Variants in STX8 observed in about 807,000 individuals in gnomAD.
The protein encoded by STX8 is syntaxin 8.
Under a neutral mutation model 37.5 loss-of-function variants are expected in STX8, and 23 were observed. The observed-to-expected ratio is 0.61, with a 90% CI of 0.44 to 0.87. The LOEUF (loss-of-function observed/expected upper bound fraction) is 0.87, where lower values mean the gene tolerates loss of function less well. STX8 is among the 40% of genes least tolerant of loss of function. STX8 has a pLI of 0.00. For synonymous variants in STX8, 115 were observed against 99.1 expected (o/e 1.16, Z -0.95); for missense variants, 313 against 284.7 (o/e 1.10, Z -0.71).
chr17:9,265,123 G>GAA (rs61526336), intron 7 of STX8, among the ~76,000 whole-genome samples: 12 of 72,544 alleles, frequency 1.7e-4, no homozygotes, highest in South Asian at 5.3e-4. Context: ...AGTCTGAAAA[G>GAA]AAAAAAAAAA....
intron 7 of STX8, among the ~76,000 whole-genome samples, chr17:9,365,904 T>C (rs942956277): frequency 1.3e-5 from 2 of 151,954 alleles, no homozygotes; most frequent in African/African-American, 4.8e-5. Context: ...ACCCAGGAGA[T>C]GGAGGTTGCA....
At chr17:9,440,715 G>A (rs1222641818) in intron 6 of STX8, among the ~76,000 whole-genome samples, 1 of 152,074 alleles carries the variant, frequency 6.6e-6, no homozygotes, top group Non-Finnish European at 1.5e-5. Flanking sequence ...AGTAGAGACA[G>A]GGTTTTGCCA....
intron 6 of STX8, among the ~76,000 whole-genome samples, chr17:9,381,937 C>A (rs139777427): frequency 5.2e-4 from 79 of 152,226 alleles, no homozygotes; most frequent in African/African-American, 1.9e-3. Flanking sequence ...TCACTGTACT[C>A]CAGCCTGGGT....
chr17:9,463,100 C>T (rs1162853902), intron 6 of STX8, among the ~76,000 whole-genome samples: 1 of 152,172 alleles, frequency 6.6e-6, no homozygotes, highest in African/African-American at 2.4e-5. Flanking sequence ...TAAAAGAATC[C>T]TCATCCCAGA....
chr17:9,413,859 T>G (rs971406465), intron 6 of STX8, among the ~76,000 whole-genome samples: 20 of 140,708 alleles, frequency 1.4e-4, no homozygotes, highest in Admixed American at 5.2e-4. Flanking sequence ...TGTACGTATG[T>G]AAGTATGTAT....
At chr17:9,289,351 G>A (rs1334213450) in intron 7 of STX8, among the ~76,000 whole-genome samples, 2 of 152,114 alleles carry the variant, frequency 1.3e-5, no homozygotes, top group Non-Finnish European at 2.9e-5. Flanking sequence ...AAGAGTTGAT[G>A]GAAAGTCTCA....
At chr17:9,254,433 G>A (rs113487635) in intron 7 of STX8, among the ~76,000 whole-genome samples, 10 of 150,898 alleles carry the variant, frequency 6.6e-5, no homozygotes, top group Admixed American at 2.6e-4. Context: ...ATGGAGTCTC[G>A]CGCCCAGGCT....
chr17:9,500,741 G>A (rs1472180598), intron 5 of STX8, among the ~76,000 whole-genome samples: 3 of 152,204 alleles, frequency 2.0e-5, no homozygotes, highest in South Asian at 2.1e-4. Context: ...GCTGGCTCAC[G>A]CCTGTAATAC....
chr17:9,330,520 C>G (rs1909926315), intron 7 of STX8, among the ~76,000 whole-genome samples: 1 of 152,310 alleles, frequency 6.6e-6, no homozygotes, highest in Admixed American at 6.5e-5. Context: ...CTCTGGGGAA[C>G]AAGATACACA....
At position 9,551,713 on chromosome 17, in the gene STX8, T is replaced by A. The variant is rs554001486; in HGVS notation, c.212+5721A>T. Among the ~76,000 whole-genome samples, 8 of 152,316 alleles carry A rather than the reference T, an allele frequency of 5.3e-5. No homozygotes were observed. In the East Asian group the frequency reaches 1.5e-3, roughly 29 times the overall value. On this transcript the variant is annotated intron_variant, in intron 3 of 7. Transcript: ENST00000306357. The stretch of plus-strand genomic sequence containing the variant: ...TAACCTGGCAAAGTATGATTATTCC[T>A]ACATTACAGATAATGAAACTAAGGT...
intron 6 of STX8, among the ~76,000 whole-genome samples, chr17:9,412,826 T>G (rs1913028955): frequency 6.6e-6 from 1 of 152,280 alleles, no homozygotes; most frequent in South Asian, 2.1e-4. Context: ...TTTAGAGTTC[T>G]GATAGAAGAT....
chr17:9,514,765 C>T (rs768372894), intron 4 of STX8, among the ~76,000 whole-genome samples: 1 of 152,108 alleles, frequency 6.6e-6, no homozygotes, highest in Non-Finnish European at 1.5e-5. Context: ...ATTCTTCTAG[C>T]CTTGTTCACA....
chr17:9,506,664 C>A (rs929679870), intron 4 of STX8, among the ~76,000 whole-genome samples: 3 of 152,068 alleles, frequency 2.0e-5, no homozygotes, highest in Non-Finnish European at 4.4e-5. Flanking sequence ...TCCCACCTGC[C>A]CCCACTGCCA....
intron 7 of STX8, among the ~76,000 whole-genome samples, chr17:9,291,610 G>A (rs1477029513): frequency 1.3e-5 from 2 of 152,008 alleles, no homozygotes; most frequent in Admixed American, 1.3e-4. Flanking sequence ...TTTTATTTAC[G>A]TTCTCTTCTA....
intron 4 of STX8, among the ~76,000 whole-genome samples, chr17:9,520,119 C>G (rs1273616586): frequency 2.6e-5 from 4 of 152,180 alleles, no homozygotes; most frequent in Non-Finnish European, 5.9e-5. Context: ...AGAGCATAAG[C>G]ATTCAGTAAA....
At chr17:9,363,711 A>T (rs1170993331) in intron 7 of STX8, among the ~76,000 whole-genome samples, 2 of 152,224 alleles carry the variant, frequency 1.3e-5, no homozygotes, top group African/African-American at 2.4e-5. Context: ...CTTAGAAATC[A>T]TACCTTATCT....
intron 6 of STX8, among the ~76,000 whole-genome samples, chr17:9,425,865 C>T (rs529447583): frequency 3.3e-5 from 5 of 152,266 alleles, no homozygotes; most frequent in Admixed American, 1.3e-4. Context: ...GCTCAGTACA[C>T]ACATCTAAAG....
intron 7 of STX8, among the ~76,000 whole-genome samples, chr17:9,343,303 A>C (rs946378783): frequency 1.3e-5 from 2 of 152,180 alleles, no homozygotes. Context: ...GTTTACCCAG[A>C]GACAGTAAAA....
In STX8 at chr17:9,445,297, T is replaced by C. The variant is rs1475112655; in HGVS notation, c.541+46532A>G. Among the ~76,000 whole-genome samples, 4 of 151,690 alleles carry C rather than the reference T, an allele frequency of 2.6e-5. No homozygotes were observed. In the East Asian group the frequency reaches 7.8e-4, roughly 29 times the overall value. On this transcript the variant is annotated intron_variant, in intron 6 of 7. Coordinates refer to ENST00000306357, the MANE Select transcript of STX8 (RefSeq NM_004853.3). Reference sequence around the variant, plus strand: ...AAGAGAACGACCAAGGAACATTTCTTTTTTCCTTTTCCCACTGCGAGTGAG... The same window carrying C: ...AAGAGAACGACCAAGGAACATTTCTCTTTTCCTTTTCCCACTGCGAGTGAG...
Sources: gnomAD v4.1 joint callset for allele counts (sites outside exome capture counted in the v4.1 genomes callset) on GRCh38, gnomAD v4.1.1 for gene constraint, MANE v1.5 for transcripts, NCBI Gene and HGNC (gene_info 2026-07-23, HGNC 2026-07-21) for gene names.